BTBD9: variants seen among roughly 807,000 people sequenced by gnomAD.
BTBD9 encodes BTB/POZ domain-containing protein 9.
Under a neutral mutation model 64.3 loss-of-function variants are expected in BTBD9, and 49 were observed. The observed-to-expected ratio is 0.76, with a 90% CI of 0.61 to 0.97. The LOEUF is 0.97. Ranked by LOEUF, BTBD9 falls within the 50% of genes least tolerant of loss-of-function variation. The pLI is 0.00. For synonymous variants in BTBD9, 260 were observed against 274.7 expected, an observed-to-expected ratio of 0.95 and a Z score of 0.53; for missense variants, 598 against 762.1, an observed-to-expected ratio of 0.78 and a Z score of 2.53.
intron 1 of BTBD9, among the ~76,000 whole-genome samples, chr6:38,617,604 C>T (rs1394759039): frequency 1.3e-5 from 2 of 152,224 alleles, no homozygotes; most frequent in Non-Finnish European, 2.9e-5. Context: ...CTCAGACTAG[C>T]AGGCCTAACA....
rs1777111798 is a variant in BTBD9 at position 38,598,107 on chromosome 6, A to T, written c.-13T>A. On this transcript the variant is annotated 5_prime_UTR_variant, in exon 2 of 11. Transcript: ENST00000481247. ...GGCTGTTACTCATCTTGTGGAATAGACGATAGTCGTTGTTCTATCATATAA... is the reference window on the plus strand; with the variant it reads ...GGCTGTTACTCATCTTGTGGAATAGTCGATAGTCGTTGTTCTATCATATAA... The T allele has an allele frequency of 6.2e-7, 1 of 1,610,074 alleles. No individual in the cohort carries two copies. The highest frequency in any genetic ancestry group is 1.3e-5 in the African/African-American group (1 of 74,848).
intron 10 of BTBD9, among the ~76,000 whole-genome samples, chr6:38,192,169 C>A (rs749825303): frequency 6.6e-6 from 1 of 152,186 alleles, no homozygotes; most frequent in African/African-American, 2.4e-5. Context: ...CTAGACGCCA[C>A]GCTCAGAGGG....
At position 38,622,930 on chromosome 6, in the gene BTBD9, T is replaced by G. The variant is rs564662910; in HGVS notation, c.-28+16870A>C. 4.9e-4 allele frequency among the ~76,000 whole-genome samples: 74 copies of G among 152,254 alleles called. 2 individuals are homozygous for G. The highest frequency in any genetic ancestry group is 8.8e-5 in the Non-Finnish European group (6 of 68,018). ...GCACCCCCACCACTAATGAATGCCT[T>G]CTCATCCCGTCTTTCAATTACTCTC... On this transcript the variant is annotated intron_variant, in intron 1 of 10. Transcript: ENST00000481247.
intron 6 of BTBD9, among the ~76,000 whole-genome samples, chr6:38,537,484 A>G (rs1774073600): frequency 1.3e-5 from 2 of 152,218 alleles, no homozygotes; most frequent in Admixed American, 6.5e-5. Context: ...AATTCTATCA[A>G]TTTCTGCAGA....
At chr6:38,177,915 A>T (rs1325361937) in intron 10 of BTBD9, among the ~76,000 whole-genome samples, 1 of 152,232 alleles carries the variant, frequency 6.6e-6, no homozygotes, top group Non-Finnish European at 1.5e-5. Context: ...AGAACTCCTA[A>T]CTATCTCTCT....
chr6:38,412,788 G>A (rs1368779786), intron 6 of BTBD9, among the ~76,000 whole-genome samples: 2 of 152,116 alleles, frequency 1.3e-5, no homozygotes, highest in Admixed American at 6.5e-5. Flanking sequence ...GAACCCAGGA[G>A]GTGGAGGTTG....
At chr6:38,417,752 G>C (rs1191265969) in intron 6 of BTBD9, among the ~76,000 whole-genome samples, 1 of 146,912 alleles carries the variant, frequency 6.8e-6, no homozygotes, top group Non-Finnish European at 1.5e-5. Flanking sequence ...CAGCCTAGGT[G>C]ACAGAGCAAC....
intron 6 of BTBD9, among the ~76,000 whole-genome samples, chr6:38,381,086 A>T (rs1022573489): frequency 1.3e-5 from 2 of 152,172 alleles, no homozygotes; most frequent in African/African-American, 4.8e-5. Flanking sequence ...AATTTAAAAA[A>T]ATTCAACAAA....
chr6:38,402,734 G>A (rs1369420114), intron 6 of BTBD9: 5 of 691,226 alleles, frequency 7.2e-6, no homozygotes, highest in Non-Finnish European at 1.3e-5. Flanking sequence ...AGAGGTGTAT[G>A]TTATCATAAC....
chr6:38,188,200 T>A (rs958921228), intron 10 of BTBD9, among the ~76,000 whole-genome samples: 1 of 152,218 alleles, frequency 6.6e-6, no homozygotes, highest in African/African-American at 2.4e-5. Context: ...TTCGGGGCAG[T>A]TTCCATGGTC....
At chr6:38,484,743 TATTA>T (rs754845239) in intron 6 of BTBD9, among the ~76,000 whole-genome samples, 54 of 152,314 alleles carry the variant, frequency 3.5e-4, no homozygotes, top group Non-Finnish European at 6.6e-4. Flanking sequence ...AAGTACAGAT[TATTA>T]ATTAAAACAT....
At chr6:38,269,052 CA>C (rs1384881856) in intron 8 of BTBD9, among the ~76,000 whole-genome samples, 1 of 152,142 alleles carries the variant, frequency 6.6e-6, no homozygotes, top group East Asian at 1.9e-4. Flanking sequence ...AAACACAAAA[CA>C]AAACTATAAT....
In BTBD9 at chr6:38,618,538, G is replaced by A. The variant is rs115457899; in HGVS notation, c.-27-20417C>T. On this transcript the variant is annotated intron_variant, in intron 1 of 10. Coordinates refer to ENST00000481247, the MANE Select transcript of BTBD9 (RefSeq NM_001099272.2). ...TCCTCTAATCTCCCCCACCCAGAAA[G>A]GCAAAGAAACAGGCAAAGAAATCAT... Among the ~76,000 whole-genome samples the A allele has an allele frequency of 6.3e-3, 955 of 152,146 alleles. 9 individuals are homozygous for A. The highest frequency in any genetic ancestry group is 0.022 in the African/African-American group (896 of 41,514).
chr6:38,342,439 G>A (rs1458919068), intron 7 of BTBD9, among the ~76,000 whole-genome samples: 1 of 150,064 alleles, frequency 6.7e-6, no homozygotes, highest in African/African-American at 2.5e-5. Flanking sequence ...TGGAGGCTGA[G>A]ACAGGAGAAT....
chr6:38,541,271 T>C (rs1237238593), intron 6 of BTBD9, among the ~76,000 whole-genome samples: 1 of 152,170 alleles, frequency 6.6e-6, no homozygotes, highest in Non-Finnish European at 1.5e-5. Context: ...AGCTTCATGG[T>C]TTTGTTTTTT....
chr6:38,411,941 A>G (rs1319856546), intron 6 of BTBD9, among the ~76,000 whole-genome samples: 3 of 152,106 alleles, frequency 2.0e-5, no homozygotes, highest in African/African-American at 7.2e-5. Flanking sequence ...ATATATATAT[A>G]TGTGTACACA....
chr6:38,318,097 G>A (rs181924750), intron 7 of BTBD9, among the ~76,000 whole-genome samples: 3 of 152,188 alleles, frequency 2.0e-5, no homozygotes, highest in Admixed American at 2.0e-4. Flanking sequence ...GTTTCACCAT[G>A]TTGGCCAGGC....
At chr6:38,219,190 A>G (rs1763116119) in intron 9 of BTBD9, among the ~76,000 whole-genome samples, 2 of 126,058 alleles carry the variant, frequency 1.6e-5, no homozygotes, top group Non-Finnish European at 3.1e-5. Flanking sequence ...GCTGGAGTGT[A>G]GTAGCACAAG....
chr6:38,183,174 G>T (rs1354968963), intron 10 of BTBD9, among the ~76,000 whole-genome samples: 1 of 152,080 alleles, frequency 6.6e-6, no homozygotes, highest in East Asian at 1.9e-4. Flanking sequence ...TAGAGATGGG[G>T]TTTCACCGTG....
Sources: gnomAD v4.1 joint callset for allele counts (sites outside exome capture counted in the v4.1 genomes callset) on GRCh38, gnomAD v4.1.1 for gene constraint, MANE v1.5 for transcripts, NCBI Gene and HGNC (gene_info 2026-07-23, HGNC 2026-07-21) for gene names.